The following LPP variants were observed in gnomAD, a reference collection of about 807,000 sequenced individuals.
LPP encodes LIM domain containing preferred translocation partner in lipoma.
Under a neutral mutation model 60.4 loss-of-function variants are expected in LPP, and 38 were observed. That is an observed-to-expected ratio of 0.63 (90% CI 0.49 to 0.83). The LOEUF (loss-of-function observed/expected upper bound fraction) is 0.83, where lower values mean the gene tolerates loss of function less well. LPP is among the 40% of genes least tolerant of loss of function. The pLI is 0.00. For missense variants in LPP, 902 were observed against 783.6 expected (o/e 1.15, Z -1.80); for synonymous variants, 328 against 290.8 (o/e 1.13, Z -1.30).
chr3:188,815,617 G>A (rs1752255819), intron 9 of LPP, among the ~76,000 whole-genome samples: 1 of 149,648 alleles, frequency 6.7e-6, no homozygotes, highest in Admixed American at 6.6e-5. Context: ...ATTTGTTGGG[G>A]AAAAAAAAAA....
chr3:188,550,784 G>T (rs889005893), intron 6 of LPP, among the ~76,000 whole-genome samples: 2 of 152,006 alleles, frequency 1.3e-5, no homozygotes, highest in South Asian at 2.1e-4. Flanking sequence ...GGTTTAAAAA[G>T]GTTGCAGCCC....
chr3:188,608,327 T>C (rs1044208478), intron 6 of LPP, among the ~76,000 whole-genome samples: 2 of 152,252 alleles, frequency 1.3e-5, no homozygotes, highest in Non-Finnish European at 2.9e-5. Context: ...TTCTCATCTT[T>C]AAATCATTAA....
chr3:188,158,950 GC>G (rs2148674180), intron 1 of LPP, among the ~76,000 whole-genome samples: 1 of 152,330 alleles, frequency 6.6e-6, no homozygotes, highest in African/African-American at 2.4e-5. Context: ...CCACACTGGT[GC>G]TGTTCTAGCC....
chr3:188,314,389 TTA>T (rs1423011123), intron 2 of LPP, among the ~76,000 whole-genome samples: 3 of 152,122 alleles, frequency 2.0e-5, no homozygotes, highest in Non-Finnish European at 2.9e-5. Context: ...TAAAAAAATT[TTA>T]TGTTTTTCTC....
At position 188,609,272 on chromosome 3, in the gene LPP, A is replaced by G. The variant is rs202213833; in HGVS notation, c.541A>G (p.Lys181Glu). 13 of 1,613,916 alleles carry G rather than the reference A, an allele frequency of 8.1e-6. No homozygotes were observed. Among genetic ancestry groups the G allele is most frequent in the Non-Finnish European group, 2.5e-6 (3 of 1,180,008 alleles). ...AACAGCAACCAAGAAGTCTACATTGAAACCACAGCCTGCACCCCAGGCTGG... is the reference window on the plus strand; with the variant it reads ...AACAGCAACCAAGAAGTCTACATTGGAACCACAGCCTGCACCCCAGGCTGG... ...PLTATKKSTLKPQPAPQAGPI... is the reference protein window; with the variant it reads ...PLTATKKSTLEPQPAPQAGPI... The change falls in exon 7 of 12, where the codon AAA becomes GAA. Residue 181 changes from lysine (K) to glutamate (E), a missense_variant. Coordinates refer to ENST00000617246, the MANE Select transcript of LPP (RefSeq NM_001375462.1). The surrounding 1 kb of genome is among the most constrained non-coding windows in gnomAD (Gnocchi z 6.9).
At chr3:188,508,649 C>T (rs1172605087) in intron 5 of LPP, among the ~76,000 whole-genome samples, 1 of 152,182 alleles carries the variant, frequency 6.6e-6, no homozygotes, top group Non-Finnish European at 1.5e-5. Flanking sequence ...AGGTGGTAAA[C>T]GTCTTTGCCA....
intron 7 of LPP, among the ~76,000 whole-genome samples, chr3:188,677,806 A>AAT (rs1166192613): frequency 6.6e-6 from 1 of 152,038 alleles, no homozygotes; most frequent in African/African-American, 2.4e-5. Context: ...TTGTCATCTA[A>AAT]ATGATGGATG....
chr3:188,821,176 G>A (rs1753860756), intron 9 of LPP, among the ~76,000 whole-genome samples: 1 of 151,006 alleles, frequency 6.6e-6, no homozygotes, highest in Non-Finnish European at 1.5e-5. Flanking sequence ...TTTAGTTACA[G>A]GTTGAATTCT....
intron 3 of LPP, among the ~76,000 whole-genome samples, chr3:188,389,157 T>C (rs1437319617): frequency 2.0e-5 from 3 of 152,018 alleles, no homozygotes; most frequent in Non-Finnish European, 4.4e-5. Context: ...GTGTGTTTGG[T>C]ATATTTGTGT....
chr3:188,240,267 G>C (rs781007477), intron 2 of LPP: 1 of 171,832 alleles, frequency 5.8e-6, no homozygotes, highest in Non-Finnish European at 1.3e-5. Flanking sequence ...TAGTGAGGGG[G>C]AACATGGGTA....
intron 9 of LPP, among the ~76,000 whole-genome samples, chr3:188,795,689 TTCATCATCATCA>T (rs199673929): frequency 3.9e-5 from 6 of 151,960 alleles, no homozygotes; most frequent in East Asian, 3.9e-4. Context: ...CTGTCATGCT[TTCATCATCATCA>T]TCATCATCGT....
chr3:188,755,133 G>T (rs1729713631), intron 8 of LPP, among the ~76,000 whole-genome samples: 1 of 152,152 alleles, frequency 6.6e-6, no homozygotes, highest in Admixed American at 6.5e-5. Context: ...TTGGCATATA[G>T]AGCTTCAGTT....
At chr3:188,808,750 C>A (rs9874620) in intron 9 of LPP, among the ~76,000 whole-genome samples, 2 of 151,946 alleles carry the variant, frequency 1.3e-5, no homozygotes, top group South Asian at 2.1e-4. Context: ...TGTGCCCTGG[C>A]GGTTTGCTGC....
chr3:188,807,702 A>G (rs1366262731), intron 9 of LPP, among the ~76,000 whole-genome samples: 1 of 152,204 alleles, frequency 6.6e-6, no homozygotes, highest in East Asian at 1.9e-4. Flanking sequence ...TTATTTTCAT[A>G]AGACAGAATG....
At chr3:188,234,686 A>G (rs1237713786) in intron 2 of LPP, among the ~76,000 whole-genome samples, 1 of 152,194 alleles carries the variant, frequency 6.6e-6, no homozygotes, top group Non-Finnish European at 1.5e-5. Flanking sequence ...AGCTAGAATA[A>G]GAAGTTCTAG....
intron 9 of LPP, among the ~76,000 whole-genome samples, chr3:188,826,681 T>G (rs779789256): frequency 2.0e-5 from 3 of 152,050 alleles, no homozygotes; most frequent in Non-Finnish European, 2.9e-5. Flanking sequence ...ACCACCAGCA[T>G]GTACCCTGTT....
chr3:188,803,168 A>T (rs1470670307), intron 9 of LPP, among the ~76,000 whole-genome samples: 2 of 151,100 alleles, frequency 1.3e-5, no homozygotes. Context: ...CTTCAACCAC[A>T]CAAGTAGCTG....
chr3:188,513,805 A>G (rs543171409), intron 5 of LPP, among the ~76,000 whole-genome samples: 9 of 152,286 alleles, frequency 5.9e-5, no homozygotes, highest in African/African-American at 2.2e-4. Context: ...CACTTTAACC[A>G]TGACCCTGCC....
At chr3:188,405,276 A>G (rs552369790) in intron 3 of LPP, among the ~76,000 whole-genome samples, 1 of 152,298 alleles carries the variant, frequency 6.6e-6, no homozygotes, top group South Asian at 2.1e-4. Flanking sequence ...GGATCATTTA[A>G]AAGTGTCCTG....
Sources: allele counts gnomAD v4.1 joint callset (sites outside exome capture counted in the v4.1 genomes callset), GRCh38; gene constraint gnomAD v4.1.1; non-coding constraint Gnocchi (gnomAD v3.1); transcripts MANE v1.5; gene names NCBI Gene and HGNC (gene_info 2026-07-23, HGNC 2026-07-21).